The following NAA25 variants were observed in gnomAD, a reference collection of about 807,000 sequenced individuals.
The protein encoded by NAA25 is N-alpha-acetyltransferase 25, NatB auxiliary subunit.
A neutral mutation model predicts 132.5 loss-of-function variants in NAA25; 30 were observed. The ratio of observed to expected loss-of-function variants is 0.23; its 90% confidence interval spans 0.17 to 0.31. The LOEUF is 0.31. Among genes scored for constraint, NAA25 ranks in the 10% least tolerant of loss-of-function variants. The pLI is 1.00. For missense variants in NAA25, 771 were observed against 1,150.4 expected (o/e 0.67, Z 4.77); for synonymous variants, 359 against 401.9 (o/e 0.89, Z 1.28).
At chr12:112,077,767 G>A (rs1029592933) in intron 7 of NAA25, among the ~76,000 whole-genome samples, 2 of 151,650 alleles carry the variant, frequency 1.3e-5, no homozygotes, top group Non-Finnish European at 2.9e-5. Context: ...CTGACTAGAG[G>A]GGCATTAATT....
intron 22 of NAA25, among the ~76,000 whole-genome samples, chr12:112,037,891 C>A (rs536824668): frequency 6.6e-6 from 1 of 151,768 alleles, no homozygotes; most frequent in African/African-American, 2.4e-5. Flanking sequence ...GTTAAGGAAG[C>A]GTTCTAGATT....
In NAA25 at chr12:112,040,568, A is replaced by G. The variant is rs771045171; in HGVS notation, c.2451T>C (p.Ser817=). The change falls in exon 21 of 24, where the codon AGT becomes AGC. Residue 817 remains serine (S), a synonymous_variant. Coordinates refer to ENST00000261745, the MANE Select transcript of NAA25 (RefSeq NM_024953.4). Reference sequence around the variant, plus strand: ...CTTCTAAGAGGTCACCTTTACATTTACTGAAGACATCTGAAAACAAAAAAC... The same window carrying G: ...CTTCTAAGAGGTCACCTTTACATTTGCTGAAGACATCTGAAAACAAAAAAC... ...SLLDQLKDVF[S]KCKGDLLEVK... The G allele has an allele frequency of 3.7e-5, 58 of 1,584,314 alleles. No individual in the cohort carries two copies. The highest frequency in any genetic ancestry group is 4.7e-5 in the Non-Finnish European group (55 of 1,159,894).
At chr12:112,085,993 G>C (rs1163396208) in intron 4 of NAA25, among the ~76,000 whole-genome samples, 2 of 107,592 alleles carry the variant, frequency 1.9e-5, no homozygotes, top group East Asian at 3.2e-4. Flanking sequence ...TTCCACCCTG[G>C]GTGACAGAGT....
intron 11 of NAA25, among the ~76,000 whole-genome samples, chr12:112,066,334 C>T (rs1018317053): frequency 3.9e-5 from 6 of 152,186 alleles, no homozygotes; most frequent in South Asian, 2.1e-4. Context: ...ACAATATGCT[C>T]GACACTTACT....
intron 4 of NAA25, among the ~76,000 whole-genome samples, chr12:112,086,862 T>C (rs1467386072): frequency 2.7e-5 from 4 of 149,938 alleles, no homozygotes; most frequent in Non-Finnish European, 5.9e-5. Context: ...AAATACAAAA[T>C]TAGCCAGGAG....
chr12:112,040,205 T>C (rs1593750669), intron 21 of NAA25: 3 of 270,886 alleles, frequency 1.1e-5, no homozygotes, highest in Non-Finnish European at 2.1e-5. Flanking sequence ...GAAAGGAGAA[T>C]GAAAACAGCT....
intron 23 of NAA25, among the ~76,000 whole-genome samples, chr12:112,030,857 A>G (rs2078140289): frequency 6.6e-6 from 1 of 152,258 alleles, no homozygotes; most frequent in Admixed American, 6.5e-5. Flanking sequence ...GCAGTGGTGC[A>G]TTTATATTCT....
At chr12:112,051,336 G>A (rs1398207683) in intron 15 of NAA25, among the ~76,000 whole-genome samples, 1 of 152,038 alleles carries the variant, frequency 6.6e-6, no homozygotes, top group East Asian at 1.9e-4. Flanking sequence ...TCAGCCTGCC[G>A]AGTAGCTGGG....
At chr12:112,044,781 C>T (rs2136819073) in intron 17 of NAA25, among the ~76,000 whole-genome samples, 1 of 151,894 alleles carries the variant, frequency 6.6e-6, no homozygotes, top group Middle Eastern at 3.4e-3. Flanking sequence ...GTGGCTCACA[C>T]CTGTAATCCC....
intron 7 of NAA25, among the ~76,000 whole-genome samples, chr12:112,077,211 A>G: frequency 6.6e-6 from 1 of 150,604 alleles, no homozygotes; most frequent in East Asian, 2.0e-4. Flanking sequence ...GGTGGCTCAC[A>G]CCTGTAATCC....
At chr12:112,037,674 T>C (rs1329169164) in intron 22 of NAA25, 1 of 138,000 alleles carries the variant, frequency 7.2e-6, no homozygotes, top group Non-Finnish European at 1.6e-5. Flanking sequence ...TAGTGTCCCA[T>C]TATTGGTGAT....
intron 4 of NAA25, among the ~76,000 whole-genome samples, chr12:112,086,065 T>TAC (rs2079047445): frequency 1.5e-5 from 1 of 67,150 alleles, no homozygotes; most frequent in African/African-American, 1.1e-4. Flanking sequence ...TATATATATA[T>TAC]ATATATATAC....
chr12:112,086,491 T>A (rs553557046), intron 4 of NAA25, among the ~76,000 whole-genome samples: 1 of 150,196 alleles, frequency 6.7e-6, no homozygotes, highest in African/African-American at 2.4e-5. Flanking sequence ...CAAGACTCCA[T>A]CACAAAAAAG....
At chr12:112,080,512 A>G (rs960940517) in intron 5 of NAA25, among the ~76,000 whole-genome samples, 1 of 150,926 alleles carries the variant, frequency 6.6e-6, no homozygotes, top group Non-Finnish European at 1.5e-5. Context: ...TCTCTACAAC[A>G]TTTTTTTGAG....
At chr12:112,060,450 G>A in intron 12 of NAA25, 91 bp from the exon 13 acceptor site, 1 of 762,438 alleles carries the variant, frequency 1.3e-6, no homozygotes, top group Non-Finnish European at 2.2e-6. Flanking sequence ...GTGACAGGAG[G>A]GAGAGGAGGA....
In NAA25 at chr12:112,061,162, A is replaced by G; in HGVS notation, c.1357+19T>C. The G allele has an allele frequency of 6.5e-7, 1 of 1,532,318 alleles. No homozygotes were observed. The highest frequency in any genetic ancestry group is 8.8e-7 in the Non-Finnish European group (1 of 1,135,878). 94.9% of individuals were successfully genotyped at this position (1,532,318 alleles called of 1,614,324 possible). ...AGTGTAGATCAGGGAACTACTGCAC[A>G]TTTTGAATGGTTGCTCACCAAATTC... is the stretch of plus-strand genomic sequence containing the variant. On this transcript the variant is annotated intron_variant, in intron 12 of 23. Transcript: ENST00000261745.
intron 12 of NAA25, among the ~76,000 whole-genome samples, chr12:112,060,867 A>G (rs1190432332): frequency 7.9e-5 from 12 of 152,194 alleles, no homozygotes; most frequent in Non-Finnish European, 1.6e-4. Context: ...TACAGTCTAT[A>G]TATTAAGAAT....
In NAA25 at chr12:112,068,873, T is replaced by C. The variant is rs754777977; in HGVS notation, c.1149+7A>G. On this transcript the variant is annotated splice_region_variant and intron_variant, in intron 11 of 23. Transcript: ENST00000261745. ...CCCAACAAACTTCTAAACTGTATAG[T>C]ACTTACTTTTGTACACTGTGTAGCA... is the stretch of plus-strand genomic sequence containing the variant. 23 of 1,527,560 alleles carry C rather than the reference T, an allele frequency of 1.5e-5. No homozygotes were observed. The highest frequency in any genetic ancestry group is 2.0e-5 in the Non-Finnish European group (22 of 1,109,136). The allele number at this position is 1,527,560 out of a possible 1,614,324, so 94.6% of individuals were successfully genotyped here. A position where few individuals can be genotyped will look rare whatever the true frequency, so the allele number is the denominator to read the frequency against.
chr12:112,074,405 A>C (rs2136893703), intron 9 of NAA25, among the ~76,000 whole-genome samples: 1 of 152,124 alleles, frequency 6.6e-6, no homozygotes, highest in Admixed American at 6.6e-5. Flanking sequence ...GATGGAAATA[A>C]ATCTCACGGA....
Sources: allele counts gnomAD v4.1 joint callset (sites outside exome capture counted in the v4.1 genomes callset), GRCh38; gene constraint gnomAD v4.1.1; transcripts MANE v1.5; gene names NCBI Gene and HGNC (gene_info 2026-07-23, HGNC 2026-07-21).